Variants in ENPP1 observed in about 807,000 individuals in gnomAD.
The protein encoded by ENPP1 is ectonucleotide pyrophosphatase/phosphodiesterase family member 1.
ENPP1 carries 73 observed loss-of-function variants against 122.8 expected under a neutral mutation model. The observed-to-expected ratio is 0.59, with a 90% CI of 0.49 to 0.72. The LOEUF is 0.72. ENPP1 is among the 30% of genes least tolerant of loss of function. The pLI, the probability that ENPP1 is intolerant of heterozygous loss-of-function variation, is 0.00. For synonymous variants in ENPP1, 367 were observed against 391.6 expected, an observed-to-expected ratio of 0.94 and a Z score of 0.74; for missense variants, 978 against 1,128.1, an observed-to-expected ratio of 0.87 and a Z score of 1.91.
chr6:131,863,598 G>T (rs1179038855), intron 9 of ENPP1, among the ~76,000 whole-genome samples: 5 of 151,980 alleles, frequency 3.3e-5, no homozygotes, highest in Non-Finnish European at 7.4e-5. Context: ...ATTTGCCACT[G>T]TTTTTATTCC....
At chr6:131,875,423 T>G (rs550804990) in intron 16 of ENPP1, among the ~76,000 whole-genome samples, 10 of 152,146 alleles carry the variant, frequency 6.6e-5, no homozygotes, top group African/African-American at 2.4e-4. Flanking sequence ...CTTTAACATT[T>G]TCAAAATAAA....
chr6:131,852,753 T>C (rs945927353), intron 5 of ENPP1, among the ~76,000 whole-genome samples: 1 of 152,176 alleles, frequency 6.6e-6, no homozygotes, highest in African/African-American at 2.4e-5. Flanking sequence ...TTACTTTTAT[T>C]TGGAGTTTTT....
intron 8 of ENPP1, 106 bp from the exon 9 acceptor site, chr6:131,861,489 G>A: frequency 1.3e-6 from 1 of 765,960 alleles, no homozygotes; most frequent in South Asian, 1.4e-5. Context: ...GACCTTAAAA[G>A]CATTCTAGCA....
chr6:131,808,786 C>T (rs892035870), intron 1 of ENPP1, among the ~76,000 whole-genome samples: 1 of 152,156 alleles, frequency 6.6e-6, no homozygotes, highest in African/African-American at 2.4e-5. Flanking sequence ...TTGGAATTTC[C>T]TTGCAGGTGC....
rs1189850595 is a variant in ENPP1, at chr6:131,861,595, A to C, written c.916A>C (p.Ile306Leu). 6.3e-7 allele frequency: 1 copy of C among 1,598,824 alleles called. No individual in the cohort carries two copies. Among genetic ancestry groups the C allele is most frequent in the East Asian group, 2.2e-5 (1 of 44,810 alleles). The change falls in exon 9 of 25, where the codon ATT becomes CTT. Residue 306 changes from isoleucine (I) to leucine (L), a missense_variant and splice_region_variant. By Grantham distance (5) the Ile-to-Leu change is conservative. This residue lies in a region of ENPP1 where 644 missense variants were observed against 781.5 expected (regional missense o/e 0.82). Transcript: ENST00000647893. Reference sequence around the variant, plus strand: ...AATTTTCCTTCATTTTCTGCTCCAGATTTGGGTCACAGCTAAGTATCAAGG... The same window carrying C: ...AATTTTCCTTCATTTTCTGCTCCAGCTTTGGGTCACAGCTAAGTATCAAGG... ...FNPEWYKGEP[I>L]WVTAKYQGLK...
chr6:131,879,067 G>A (rs1216989918), intron 19 of ENPP1, among the ~76,000 whole-genome samples: 1 of 152,098 alleles, frequency 6.6e-6, no homozygotes, highest in East Asian at 1.9e-4. Flanking sequence ...TTGAATGTTT[G>A]GAGTCACTAT....
chr6:131,830,750 A>G (rs1171614054), intron 1 of ENPP1, among the ~76,000 whole-genome samples: 2 of 152,166 alleles, frequency 1.3e-5, no homozygotes, highest in Non-Finnish European at 2.9e-5. Context: ...CAAAAATTGT[A>G]TATAGAATCA....
intron 1 of ENPP1, among the ~76,000 whole-genome samples, chr6:131,845,558 G>A (rs1482387785): frequency 6.6e-6 from 1 of 150,550 alleles, no homozygotes; most frequent in African/African-American, 2.4e-5. Context: ...CCGGGTTCAA[G>A]CGATTCTCCT....
At position 131,850,050 on chromosome 6, in the gene ENPP1, C is replaced by A; in HGVS notation, c.374C>A (p.Ala125Asp). ...TTTGGGAACTGTCGCTGTGATGCTGCCTGTGTTGAGCTTGGAAACTGCTGT... is the reference window on the plus strand; with the variant it reads ...TTTGGGAACTGTCGCTGTGATGCTGACTGTGTTGAGCTTGGAAACTGCTGT... ...RTFGNCRCDA[A>D]CVELGNCCLD... is the part of the protein sequence containing the mutation. The change falls in exon 3 of 25, where the codon GCC (alanine) becomes GAC (aspartate). Residue 125 changes from alanine to aspartate, a missense_variant. By Grantham distance (126) the Ala-to-Asp change is moderately radical (BLOSUM62 -2). Around this residue, in one of 3 missense-constraint regions of ENPP1, gnomAD observed 330 missense variants for 328.5 expected, o/e 1.00. Transcript: ENST00000647893. The A allele has an allele frequency of 1.2e-6, 2 of 1,613,980 alleles. No individual in the cohort carries two copies. Among genetic ancestry groups the A allele is most frequent in the Non-Finnish European group, 1.7e-6 (2 of 1,179,942 alleles).
At chr6:131,834,687 C>T (rs1248747698) in intron 1 of ENPP1, among the ~76,000 whole-genome samples, 3 of 151,972 alleles carry the variant, frequency 2.0e-5, no homozygotes, top group African/African-American at 2.4e-5. Flanking sequence ...TGTGCCACTA[C>T]GCCCAGCTAA....
chr6:131,827,864 CG>C (rs920117978), intron 1 of ENPP1: 5 of 1,404,856 alleles, frequency 3.6e-6, no homozygotes, highest in Non-Finnish European at 5.0e-6. Context: ...ATCTTGGACT[CG>C]GAGAGTTTCA....
At chr6:131,859,844 G>C (rs1781994950) in intron 7 of ENPP1, among the ~76,000 whole-genome samples, 1 of 152,200 alleles carries the variant, frequency 6.6e-6, no homozygotes, top group Non-Finnish European at 1.5e-5. Context: ...AGATTTCTCA[G>C]TAGATAACTT....
intron 16 of ENPP1, among the ~76,000 whole-genome samples, chr6:131,875,268 CTAT>C (rs1011449215): frequency 1.3e-5 from 2 of 152,004 alleles, no homozygotes; most frequent in East Asian, 1.9e-4. Context: ...GACATATCTC[CTAT>C]TATATTTCTA....
In ENPP1 at chr6:131,890,510, GAT is replaced by G. The variant is rs1321100036; in HGVS notation, c.*2_*3del. The G allele has an allele frequency of 1.2e-6, 2 of 1,612,478 alleles. No individual in the cohort carries two copies. Among genetic ancestry groups the G allele is most frequent in the Admixed American group, 3.3e-5 (2 of 60,006 alleles). Reference sequence around the variant, plus strand: ...TTGCCAACCTTTAGCCAAGAAGACTGATATGTTTTTTATCCCCAAACACCATG... The same window carrying G: ...TTGCCAACCTTTAGCCAAGAAGACTGATGTTTTTTATCCCCAAACACCATG... On this transcript the variant is annotated stop_retained_variant and 3_prime_UTR_variant, in exon 25 of 25. Transcript: ENST00000647893.
At chr6:131,880,209 G>A (rs529298077) in intron 20 of ENPP1, among the ~76,000 whole-genome samples, 175 bp downstream of exon 20, 3 of 152,188 alleles carry the variant, frequency 2.0e-5, no homozygotes, top group Non-Finnish European at 4.4e-5. Flanking sequence ...CCACTGAGCA[G>A]CTGCATGACT....
chr6:131,851,233 C>T lies in ENPP1; in HGVS notation c.522C>T (p.Gly174=), dbSNP rs144882196. The change falls in exon 4 of 25, where the codon GGC becomes GGT. Residue 174 remains glycine (G), a synonymous_variant. Transcript: ENST00000647893. The part of the protein sequence containing the change: ...CACSDDCKDK[G]DCCINYSSVC... ...GTTCAGATGACTGCAAGGACAAGGGCGACTGCTGCATCAACTACAGTTCTG... is the reference window on the plus strand; with the variant it reads ...GTTCAGATGACTGCAAGGACAAGGGTGACTGCTGCATCAACTACAGTTCTG... 520 of 1,614,060 alleles carry T rather than the reference C, an allele frequency of 3.2e-4. 1 individual carries two copies. The highest frequency in any genetic ancestry group is 1.5e-3 in the African/African-American group (114 of 75,038).
rs1029814550 is a variant in ENPP1 at position 131,890,496 on chromosome 6, T to C, written c.2763T>C (p.Phe921=). ...AGTTGAAAACACATTTGCCAACCTT[T>C]AGCCAAGAAGACTGATATGTTTTTT... ...ILKLKTHLPT[F]SQED The change falls in exon 25 of 25, where the codon TTT becomes TTC. Residue 921 remains phenylalanine, a synonymous_variant. Coordinates refer to ENST00000647893, the MANE Select transcript of ENPP1 (RefSeq NM_006208.3). 39 of 1,613,802 alleles carry C rather than the reference T, an allele frequency of 2.4e-5. No individual in the cohort carries two copies. Among genetic ancestry groups the C allele is most frequent in the Admixed American group, 8.3e-5 (5 of 60,006 alleles).
At chr6:131,824,743 C>T (rs950947373) in intron 1 of ENPP1, among the ~76,000 whole-genome samples, 16 of 152,012 alleles carry the variant, frequency 1.1e-4, no homozygotes, top group South Asian at 2.1e-4. Context: ...TATGAGCCAC[C>T]GTGCCCAGCC....
Position 131,873,199 on chromosome 6 carries a change from T to C in ENPP1, c.1565+149T>C, listed in dbSNP as rs572893190. On this transcript the variant is annotated intron_variant, in intron 15 of 24. Transcript: ENST00000647893. ...ACCCAGGATTTCTAATGTCGGCCTA[T>C]GGATGTTTGAGTTAGATAATTCTTT... 35 of 965,186 alleles carry C rather than the reference T, an allele frequency of 3.6e-5. No homozygotes were observed. In the South Asian group the frequency reaches 4.0e-4, roughly 11 times the overall value. 59.8% of individuals were successfully genotyped at this position (965,186 alleles called of 1,614,324 possible).
Sources: allele counts gnomAD v4.1 joint callset (sites outside exome capture counted in the v4.1 genomes callset), GRCh38; gene constraint gnomAD v4.1.1; regional missense constraint gnomAD v4.1.1; transcripts MANE v1.5; gene names NCBI Gene and HGNC (gene_info 2026-07-23, HGNC 2026-07-21).